CTNND2: variants seen among roughly 807,000 people sequenced by gnomAD.
CTNND2 encodes catenin delta-2.
A neutral mutation model predicts 144.4 loss-of-function variants in CTNND2; 22 were observed. The ratio of observed to expected loss-of-function variants is 0.15; its 90% CI spans 0.11 to 0.22. CTNND2 has a LOEUF of 0.22. Ranked by LOEUF, CTNND2 falls within the 10% of genes least tolerant of loss-of-function variation. The pLI is 1.00. For missense variants in CTNND2, 1,353 were observed against 1,618.8 expected (o/e 0.84, Z 2.82); for synonymous variants, 751 against 695.6 (o/e 1.08, Z -1.25).
At chr5:11,876,280 G>A (rs1021743863) in intron 1 of CTNND2, among the ~76,000 whole-genome samples, 27 of 151,652 alleles carry the variant, frequency 1.8e-4, no homozygotes, top group Admixed American at 1.4e-3. Flanking sequence ...AAGGCGGGGA[G>A]AGGGGAGAGT....
At chr5:11,667,192 G>A (rs10041329) in intron 2 of CTNND2, among the ~76,000 whole-genome samples, 26,989 of 152,094 alleles carry the variant, frequency 0.18, 4,156 homozygotes, top group African/African-American at 0.42. Context: ...TCAGTTCCAA[G>A]TCATTGCTAT....
chr5:11,889,416 T>C (rs1352151751), intron 1 of CTNND2, among the ~76,000 whole-genome samples: 1 of 152,150 alleles, frequency 6.6e-6, no homozygotes, highest in Non-Finnish European at 1.5e-5. Flanking sequence ...GAGAAACAAC[T>C]CATTCTAAAT....
intron 2 of CTNND2, among the ~76,000 whole-genome samples, chr5:11,612,959 G>A (rs992118456): frequency 6.6e-6 from 1 of 152,054 alleles, no homozygotes. Flanking sequence ...TTCTCCAGGA[G>A]TAATTAACAA....
At chr5:11,329,014 G>A (rs1752814417) in intron 9 of CTNND2, among the ~76,000 whole-genome samples, 1 of 152,094 alleles carries the variant, frequency 6.6e-6, no homozygotes, top group Non-Finnish European at 1.5e-5. Context: ...CTCTTTCCTT[G>A]GCTTGTAGAT....
At chr5:11,837,497 A>G (rs1794244246) in intron 1 of CTNND2, among the ~76,000 whole-genome samples, 1 of 151,958 alleles carries the variant, frequency 6.6e-6, no homozygotes, top group African/African-American at 2.4e-5. Flanking sequence ...AGGGCAGGGA[A>G]GACTAGTCAT....
At chr5:11,828,239 G>A (rs1793702437) in intron 1 of CTNND2, among the ~76,000 whole-genome samples, 1 of 152,122 alleles carries the variant, frequency 6.6e-6, no homozygotes, top group Non-Finnish European at 1.5e-5. Context: ...TTAAAAAGGG[G>A]AGTTTCCCGG....
At chr5:11,513,041 C>T (rs1286932372) in intron 3 of CTNND2, among the ~76,000 whole-genome samples, 2 of 152,170 alleles carry the variant, frequency 1.3e-5, no homozygotes, top group East Asian at 1.9e-4. Context: ...CTTCAAATCA[C>T]AGCTGACTTC....
In CTNND2 at chr5:11,348,145, T is replaced by C. The variant is rs61750698; in HGVS notation, c.1373-1518A>G. Among the ~76,000 whole-genome samples, 1,483 of 152,294 alleles carry C rather than the reference T, an allele frequency of 9.7e-3. 26 individuals are homozygous for C. The highest frequency in any genetic ancestry group is 0.034 in the African/African-American group (1,419 of 41,570). ...TTTGAAATAACGAAGGTTGTCCTGA[T>C]GTGTTAAGTCTCAAAATAATCAGAT... On this transcript the variant is annotated intron_variant, in intron 8 of 21. Coordinates refer to ENST00000304623, the MANE Select transcript of CTNND2 (RefSeq NM_001332.4).
At chr5:11,219,074 G>T (rs754750462) in intron 10 of CTNND2, among the ~76,000 whole-genome samples, 45 of 152,136 alleles carry the variant, frequency 3.0e-4, no homozygotes, top group Non-Finnish European at 5.4e-4. Context: ...TGATGGCCAG[G>T]TATAATTACA....
intron 10 of CTNND2, among the ~76,000 whole-genome samples, chr5:11,212,123 T>C (rs1221690464): frequency 6.6e-6 from 1 of 152,194 alleles, no homozygotes; most frequent in Non-Finnish European, 1.5e-5. Flanking sequence ...TATATTTTTG[T>C]AGTAGTAAAA....
chr5:11,150,269 G>A (rs775873528), intron 12 of CTNND2, among the ~76,000 whole-genome samples: 4 of 151,954 alleles, frequency 2.6e-5, no homozygotes, highest in South Asian at 2.1e-4. Flanking sequence ...CACCGCCCCC[G>A]CCTACTCCTG....
chr5:11,585,511 TC>T (rs1778790696), intron 2 of CTNND2, among the ~76,000 whole-genome samples: 2 of 151,928 alleles, frequency 1.3e-5, no homozygotes, highest in Admixed American at 6.6e-5. Flanking sequence ...TATCTATCTA[TC>T]TATCTATCTA....
intron 10 of CTNND2, among the ~76,000 whole-genome samples, chr5:11,200,211 A>G (rs1737285902): frequency 6.6e-6 from 1 of 152,228 alleles, no homozygotes; most frequent in Non-Finnish European, 1.5e-5. Context: ...TGAGAGACAG[A>G]AGGTGTGAGG....
At chr5:11,110,739 G>A in intron 14 of CTNND2, 119 bp downstream of exon 14, 3 of 911,364 alleles carry the variant, frequency 3.3e-6, no homozygotes, top group Non-Finnish European at 4.9e-6. Context: ...TTGTGCAGAT[G>A]CATTAGTGAT....
At chr5:11,806,002 A>G (rs961357945) in intron 1 of CTNND2, among the ~76,000 whole-genome samples, 2 of 152,166 alleles carry the variant, frequency 1.3e-5, no homozygotes, top group Admixed American at 6.5e-5. Flanking sequence ...GGGACATCCT[A>G]TAATATGACT....
At chr5:11,236,603 C>T in intron 10 of CTNND2, 88 bp downstream of exon 10, 1 of 1,374,718 alleles carries the variant, frequency 7.3e-7, no homozygotes. Context: ...AACTTCAGTT[C>T]TCCTAATTCT....
intron 3 of CTNND2, among the ~76,000 whole-genome samples, chr5:11,556,440 T>G (rs1006342752): frequency 2.6e-5 from 4 of 152,202 alleles, no homozygotes; most frequent in Non-Finnish European, 4.4e-5. Context: ...TATTTCCTCA[T>G]GAAAATTCAC....
At chr5:11,327,395 G>A (rs1362941273) in intron 9 of CTNND2, among the ~76,000 whole-genome samples, 2 of 152,182 alleles carry the variant, frequency 1.3e-5, no homozygotes, top group East Asian at 1.9e-4. Context: ...AAGGCAAGTT[G>A]AAACTTTTGA....
At chr5:11,723,369 T>C (rs1045375662) in intron 2 of CTNND2, among the ~76,000 whole-genome samples, 1 of 152,140 alleles carries the variant, frequency 6.6e-6, no homozygotes, top group Non-Finnish European at 1.5e-5. Context: ...ATTGAGGTTG[T>C]TTATAGAAAA....
Sources: gnomAD v4.1 joint callset for allele counts (sites outside exome capture counted in the v4.1 genomes callset) on GRCh38, gnomAD v4.1.1 for gene constraint, MANE v1.5 for transcripts, NCBI Gene and HGNC (gene_info 2026-07-23, HGNC 2026-07-21) for gene names.